SEMA3E: variants seen among roughly 807,000 people sequenced by gnomAD.
The protein encoded by SEMA3E is semaphorin-3E.
In SEMA3E, 49 loss-of-function variants were observed where a neutral mutation model predicts 93.6. That is an observed-to-expected ratio of 0.52 (90% CI 0.42 to 0.66). The LOEUF is 0.66. Among genes scored for constraint, SEMA3E ranks in the 30% least tolerant of loss-of-function variants. The pLI is 0.00. For synonymous variants in SEMA3E, 363 were observed against 330.7 expected (o/e 1.10, Z -1.06); for missense variants, 906 against 964.8 (o/e 0.94, Z 0.81).
intron 16 of SEMA3E, chr7:83,372,598 C>A: frequency 4.5e-6 from 1 of 220,580 alleles, no homozygotes. Flanking sequence ...GTATTATGTA[C>A]ATATAAAGTC....
rs201385795 is a variant in SEMA3E, at chr7:83,458,971, G to A, written c.456+7511C>T. Among the ~76,000 whole-genome samples, 32 of 63,926 alleles carry A rather than the reference G, an allele frequency of 5.0e-4. No individual in the cohort carries two copies. The East Asian group carries it at 0.02, about 40-fold the overall frequency. 41.9% of individuals were successfully genotyped at this position (63,926 alleles called of 152,430 possible). On this transcript the variant is annotated intron_variant, in intron 4 of 16. Coordinates refer to ENST00000643230, the MANE Select transcript of SEMA3E (RefSeq NM_012431.3). ...TATGTATATGTGTGTGTGTGTGTGT[G>A]TGTATATATATATATACACACACTG...
At chr7:83,633,270 C>G (rs1472121579) in intron 1 of SEMA3E, among the ~76,000 whole-genome samples, 1 of 151,974 alleles carries the variant, frequency 6.6e-6, no homozygotes, top group African/African-American at 2.4e-5. Flanking sequence ...TTACTATGTG[C>G]CAGGCACTAC....
intron 1 of SEMA3E, among the ~76,000 whole-genome samples, chr7:83,556,154 T>C (rs1004328897): frequency 3.9e-5 from 6 of 152,188 alleles, no homozygotes; most frequent in Admixed American, 1.3e-4. Context: ...CTGATTTTCA[T>C]GTAGGTAACA....
intron 1 of SEMA3E, among the ~76,000 whole-genome samples, chr7:83,539,874 T>C (rs1204143590): frequency 6.6e-6 from 1 of 150,654 alleles, no homozygotes; most frequent in Non-Finnish European, 1.5e-5. Flanking sequence ...TGTGTGTGTG[T>C]GTGTGTGTGT....
rs532964862 is a variant in SEMA3E, at chr7:83,366,039, G to T, written c.*1547C>A. 6.6e-6 allele frequency: 1 copy of T among 152,134 alleles called. No homozygotes were observed. The highest frequency in any genetic ancestry group is 6.5e-5 in the Admixed American group (1 of 15,286). 9.4% of individuals were successfully genotyped at this position (152,134 alleles called of 1,614,324 possible). A position where few individuals can be genotyped will look rare whatever the true frequency, so the allele number is the denominator to read the frequency against. On this transcript the variant is annotated 3_prime_UTR_variant, in exon 17 of 17. Transcript: ENST00000643230. ...TTTCTTAGATCTTTTGAAGCATGGT[G>T]ACTTATCTGAATAAACTTAAATTTT...
chr7:83,627,817 T>C (rs1793703047), intron 1 of SEMA3E, among the ~76,000 whole-genome samples: 1 of 152,106 alleles, frequency 6.6e-6, no homozygotes, highest in Non-Finnish European at 1.5e-5. Flanking sequence ...CCAAATTGCA[T>C]TTAAGGTTAA....
chr7:83,386,249 C>A (rs1391357417), intron 15 of SEMA3E, among the ~76,000 whole-genome samples: 1 of 152,152 alleles, frequency 6.6e-6, no homozygotes, highest in East Asian at 1.9e-4. Flanking sequence ...TGGGGTCCAA[C>A]AAATTGATGC....
At chr7:83,544,673 T>C (rs1791608983) in intron 1 of SEMA3E, among the ~76,000 whole-genome samples, 1 of 152,132 alleles carries the variant, frequency 6.6e-6, no homozygotes. Context: ...TTTACATCGT[T>C]TCCCTAAAGA....
chr7:83,561,464 T>C (rs1390877537), intron 1 of SEMA3E, among the ~76,000 whole-genome samples: 1 of 152,072 alleles, frequency 6.6e-6, no homozygotes, highest in Admixed American at 6.6e-5. Context: ...TTTCCTGTTT[T>C]TTGCCTGCCT....
chr7:83,374,510 T>C (rs945635269), intron 16 of SEMA3E, among the ~76,000 whole-genome samples: 3 of 152,160 alleles, frequency 2.0e-5, no homozygotes, highest in Non-Finnish European at 2.9e-5. Flanking sequence ...TAGCAAGAGT[T>C]AATTACACTC....
chr7:83,621,814 T>A (rs1793563093), intron 1 of SEMA3E, among the ~76,000 whole-genome samples: 1 of 152,122 alleles, frequency 6.6e-6, no homozygotes, highest in African/African-American at 2.4e-5. Flanking sequence ...ACTGGACCCC[T>A]TCCTTACACG....
chr7:83,534,222 T>C (rs2115737503), intron 1 of SEMA3E, among the ~76,000 whole-genome samples: 1 of 152,306 alleles, frequency 6.6e-6, no homozygotes, highest in Non-Finnish European at 1.5e-5. Flanking sequence ...TTCTGATTTA[T>C]TCTATCTCAT....
At chr7:83,587,418 T>C (rs1584348484) in intron 1 of SEMA3E, among the ~76,000 whole-genome samples, 1 of 152,182 alleles carries the variant, frequency 6.6e-6, no homozygotes, top group East Asian at 1.9e-4. Context: ...GCGTCCCTCA[T>C]TATTTGCAAA....
intron 16 of SEMA3E, among the ~76,000 whole-genome samples, chr7:83,380,174 AT>A (rs1402661802): frequency 6.6e-6 from 1 of 151,362 alleles, no homozygotes; most frequent in Non-Finnish European, 1.5e-5. Flanking sequence ...AAACATGTGA[AT>A]ATTTTGTGAT....
At chr7:83,553,145 G>A (rs11762518) in intron 1 of SEMA3E, among the ~76,000 whole-genome samples, 26,748 of 152,102 alleles carry the variant, frequency 0.18, 2,840 homozygotes, top group Middle Eastern at 0.29. Flanking sequence ...CACCCCTGGC[G>A]GCCCATCGGT....
chr7:83,387,067 G>C lies in SEMA3E; in HGVS notation c.1668-17C>G. ...CGGAAACGCCTGAAAGAAAGTAAAT[G>C]CATTTAGATGTTCATTTTTTCAATT... On this transcript the variant is annotated splice_polypyrimidine_tract_variant and intron_variant, in intron 14 of 16. Transcript: ENST00000643230. The C allele has an allele frequency of 1.2e-6, 2 of 1,609,698 alleles. No homozygotes were observed. The highest frequency in any genetic ancestry group is 1.7e-6 in the Non-Finnish European group (2 of 1,177,368).
At chr7:83,390,009 ATATACGCGTATATGTGTATACG>A (rs1787972416) in intron 14 of SEMA3E, among the ~76,000 whole-genome samples, 1 of 122,488 alleles carries the variant, frequency 8.2e-6, no homozygotes, top group Non-Finnish European at 1.7e-5. Context: ...GTATACACAT[ATATACGCGTATATGTGTATACG>A]TATACACATA....
At chr7:83,518,925 C>A (rs1438090985) in intron 1 of SEMA3E, among the ~76,000 whole-genome samples, 1 of 151,962 alleles carries the variant, frequency 6.6e-6, no homozygotes, top group Non-Finnish European at 1.5e-5. Context: ...TCAGGAATTT[C>A]TTTTCTTTTT....
At chr7:83,377,725 GTTTTC>G (rs1224764707) in intron 16 of SEMA3E, among the ~76,000 whole-genome samples, 1 of 151,888 alleles carries the variant, frequency 6.6e-6, no homozygotes, top group African/African-American at 2.4e-5. Flanking sequence ...AGAAGCCATG[GTTTTC>G]TTTACTATAA....
Sources: allele counts gnomAD v4.1 joint callset (sites outside exome capture counted in the v4.1 genomes callset), GRCh38; gene constraint gnomAD v4.1.1; transcripts MANE v1.5; gene names NCBI Gene and HGNC (gene_info 2026-07-23, HGNC 2026-07-21).